Variants in PSMB7 observed in about 807,000 individuals in gnomAD.
PSMB7 encodes proteasome 20S subunit beta 7.
A neutral mutation model predicts 28.1 loss-of-function variants in PSMB7; 5 were observed. That is an observed-to-expected ratio of 0.18 (90% CI 0.09 to 0.37). The LOEUF is 0.37. Ranked by LOEUF, PSMB7 falls within the 10% of genes least tolerant of loss-of-function variation. The pLI is 1.00. For missense variants in PSMB7, 275 were observed against 346.2 expected, an observed-to-expected ratio of 0.79 and a Z score of 1.63; for synonymous variants, 122 against 123.7, an observed-to-expected ratio of 0.99 and a Z score of 0.09.
intron 6 of PSMB7, among the ~76,000 whole-genome samples, chr9:124,368,392 C>G (rs907639115): frequency 1.3e-5 from 2 of 152,114 alleles, no homozygotes; most frequent in African/African-American, 4.8e-5. Context: ...ATTATGCTAC[C>G]CTAACATTCC....
At chr9:124,396,821 T>C (rs564054153) in intron 5 of PSMB7, 2 of 471,114 alleles carry the variant, frequency 4.2e-6, no homozygotes, top group South Asian at 3.1e-5. Flanking sequence ...CTTCTGACAC[T>C]ACTTCAGCTT....
At chr9:124,368,209 C>T (rs1369935507) in intron 6 of PSMB7, among the ~76,000 whole-genome samples, 1 of 152,102 alleles carries the variant, frequency 6.6e-6, no homozygotes, top group Admixed American at 6.5e-5. Context: ...CCAAACAACG[C>T]TTTAAGGTGA....
At chr9:124,387,390 T>A (rs1830735780) in intron 5 of PSMB7, among the ~76,000 whole-genome samples, 1 of 152,194 alleles carries the variant, frequency 6.6e-6, no homozygotes. Flanking sequence ...CTCTCTACAT[T>A]ATCAGACAGG....
rs1274812984 is a variant in PSMB7 at position 124,356,684 on chromosome 9, C to T, written c.722+80G>A. 4 of 1,467,696 alleles carry T rather than the reference C, an allele frequency of 2.7e-6. No individual in the cohort carries two copies. Among genetic ancestry groups the T allele is most frequent in the Admixed American group, 4.0e-5 (2 of 49,784 alleles). The allele number at this position is 1,467,696 out of a possible 1,614,324, so 90.9% of individuals were successfully genotyped here. Reference sequence around the variant, plus strand: ...CTTAATGTGGAAAGAACCAGGAAAACTCCATCCAGATGCCATGGAGATACC... The same window carrying T: ...CTTAATGTGGAAAGAACCAGGAAAATTCCATCCAGATGCCATGGAGATACC... On this transcript the variant is annotated intron_variant, in intron 7 of 7. Transcript: ENST00000259457. The surrounding 1 kb of genome is among the most constrained non-coding windows in gnomAD (Gnocchi z 4.4).
At chr9:124,371,965 C>T (rs1339507977) in intron 6 of PSMB7, among the ~76,000 whole-genome samples, 1 of 152,232 alleles carries the variant, frequency 6.6e-6, no homozygotes, top group Non-Finnish European at 1.5e-5. Context: ...TGTCCCCCTA[C>T]ATTTCAGTTC....
chr9:124,381,678 G>C (rs545547556), intron 6 of PSMB7, among the ~76,000 whole-genome samples: 26 of 152,318 alleles, frequency 1.7e-4, no homozygotes, highest in African/African-American at 6.0e-4. Flanking sequence ...TTGTTGTTAT[G>C]AGTTCTATAC....
intron 6 of PSMB7, among the ~76,000 whole-genome samples, chr9:124,375,687 ATT>A (rs890258035): frequency 2.0e-5 from 3 of 152,344 alleles, no homozygotes; most frequent in Admixed American, 6.5e-5. Flanking sequence ...TAAGAAAATC[ATT>A]GTTTATAATA....
At chr9:124,397,425 C>G (rs942771737) in intron 5 of PSMB7, among the ~76,000 whole-genome samples, 2 of 152,208 alleles carry the variant, frequency 1.3e-5, no homozygotes, top group African/African-American at 4.8e-5. Flanking sequence ...TGCTCCTGGA[C>G]CCAGCGCTCA....
chr9:124,356,907 T>C lies in PSMB7; in HGVS notation c.579A>G (p.Glu193=). Residue 193 remains glutamate, a synonymous_variant, in exon 7 of 8, where the codon GAA becomes GAG. Transcript: ENST00000259457. This position sits in a 1 kb window ranked among gnomAD's most constrained non-coding sequence, Gnocchi z 4.4. ...TGGCTTCGCTCACCAGATTCTTGGC[T>C]TCCTCCTCCTGAGAAACAGAACGGC... is the stretch of plus-strand genomic sequence containing the variant. The part of the protein sequence containing the change: ...DKFRPDMEEE[E]AKNLVSEAIA... 6.2e-7 allele frequency: 1 copy of C among 1,614,166 alleles called. No homozygotes were observed. The highest frequency in any genetic ancestry group is 8.5e-7 in the Non-Finnish European group (1 of 1,180,012).
intron 6 of PSMB7, among the ~76,000 whole-genome samples, chr9:124,363,169 T>A (rs1263265236): frequency 6.6e-6 from 1 of 152,166 alleles, no homozygotes; most frequent in Non-Finnish European, 1.5e-5. Flanking sequence ...ACTCAAAGAC[T>A]CTGAAATCAT....
At chr9:124,407,527 CAACTGTCTACTG>C (rs1184249552) in intron 4 of PSMB7, among the ~76,000 whole-genome samples, 5 of 152,148 alleles carry the variant, frequency 3.3e-5, no homozygotes, top group Non-Finnish European at 7.3e-5. Flanking sequence ...TCCACTATGC[CAACTGTCTACTG>C]AACAGGGTGT....
chr9:124,404,806 T>C (rs1472292843), intron 5 of PSMB7, among the ~76,000 whole-genome samples: 3 of 152,112 alleles, frequency 2.0e-5, no homozygotes, highest in African/African-American at 7.2e-5. Flanking sequence ...TGAGCCGAGA[T>C]CATGCCACTG....
chr9:124,412,682 G>T (rs1412435236), intron 3 of PSMB7, among the ~76,000 whole-genome samples, 190 bp from the exon 4 acceptor site: 1 of 152,142 alleles, frequency 6.6e-6, no homozygotes, highest in Admixed American at 6.5e-5. Context: ...CTAGTTATAT[G>T]CAAATACATT....
At chr9:124,393,295 T>C (rs1039517121) in intron 5 of PSMB7, among the ~76,000 whole-genome samples, 2 of 152,206 alleles carry the variant, frequency 1.3e-5, no homozygotes, top group African/African-American at 4.8e-5. Context: ...GGCCAAAAGC[T>C]TCCCGGCGAG....
chr9:124,398,952 G>A (rs1830869907), intron 5 of PSMB7, among the ~76,000 whole-genome samples: 1 of 151,186 alleles, frequency 6.6e-6, no homozygotes, highest in Admixed American at 6.6e-5. Context: ...AGCAGACTCT[G>A]GCACAGAGAC....
chr9:124,406,999 AT>A (rs1344828631), intron 4 of PSMB7, among the ~76,000 whole-genome samples: 13 of 152,114 alleles, frequency 8.5e-5, no homozygotes, highest in Non-Finnish European at 1.9e-4. Context: ...AAAATAAAAA[AT>A]AAAAAAAATC....
Position 124,408,220 on chromosome 9 carries a change from T to C in PSMB7, c.396-2788A>G, listed in dbSNP as rs115405468. Among the ~76,000 whole-genome samples the C allele has an allele frequency of 8.7e-4, 132 of 152,184 alleles. 1 individual carries two copies. The highest frequency in any genetic ancestry group is 3.0e-3 in the African/African-American group (124 of 41,536). On this transcript the variant is annotated intron_variant, in intron 4 of 7. Coordinates refer to ENST00000259457, the MANE Select transcript of PSMB7 (RefSeq NM_002799.4). ...ATAAAATTTAACAACCATGCTGCAT[T>C]TTCTCCTGCGCTACTGACGGTAGTA...
rs1213772779 is a variant in PSMB7 at position 124,405,382 on chromosome 9, G to A, written c.446C>T (p.Thr149Ile). 4 of 1,613,928 alleles carry A rather than the reference G, an allele frequency of 2.5e-6. No individual in the cohort carries two copies. The highest frequency in any genetic ancestry group is 2.7e-5 in the African/African-American group (2 of 75,026). ...AALVLGGVDV[T>I]GPHLYSIYPH... ...ATAGATGCTGTAGAGGTGAGGTCCA[G>A]TAACATCTACTCCCCCTAAAACTAG... The change falls in exon 5 of 8, where the codon ACT becomes ATT. Residue 149 changes from threonine (T) to isoleucine (I), a missense_variant. Transcript: ENST00000259457.
intron 4 of PSMB7, among the ~76,000 whole-genome samples, chr9:124,409,826 T>C (rs1831009240): frequency 6.6e-6 from 1 of 152,166 alleles, no homozygotes; most frequent in Non-Finnish European, 1.5e-5. Flanking sequence ...TAAAATCAAA[T>C]CCTAAACTCT....
Sources: gnomAD v4.1 joint callset for allele counts (sites outside exome capture counted in the v4.1 genomes callset) on GRCh38, gnomAD v4.1.1 for gene constraint, Gnocchi (gnomAD v3.1) non-coding constraint, MANE v1.5 for transcripts, NCBI Gene and HGNC (gene_info 2026-07-23, HGNC 2026-07-21) for gene names.